Variants in CANX observed in about 807,000 individuals in gnomAD.
The protein encoded by CANX is calnexin, also known as epididymis secretory sperm binding protein.
CANX carries 14 observed loss-of-function variants against 75.7 expected under a neutral mutation model. The observed-to-expected ratio is 0.19, with a 90% CI of 0.12 to 0.29. CANX has a LOEUF of 0.29. Among genes scored for constraint, CANX ranks in the 10% least tolerant of loss-of-function variants. The pLI, the probability that CANX is intolerant of heterozygous loss-of-function variation, is 1.00. For synonymous variants in CANX, 227 were observed against 236.9 expected (o/e 0.96, Z 0.38); for missense variants, 567 against 713.2 (o/e 0.79, Z 2.34).
chr5:179,705,579 C>T (rs1777074054), intron 1 of CANX, 100 bp from the exon 2 acceptor site: 6 of 854,838 alleles, frequency 7.0e-6, no homozygotes, highest in Admixed American at 7.0e-5. Flanking sequence ...TTTAGCTCTG[C>T]GATTTAAAAG....
intron 1 of CANX, among the ~76,000 whole-genome samples, chr5:179,689,295 C>T (rs1304017127): frequency 2.6e-5 from 4 of 151,134 alleles, no homozygotes; most frequent in African/African-American, 9.7e-5. Context: ...TACGTCAGAC[C>T]GATCATAGAT....
At chr5:179,714,396 A>G (rs1306918182) in intron 7 of CANX, among the ~76,000 whole-genome samples, 2 of 152,282 alleles carry the variant, frequency 1.3e-5, no homozygotes, top group Admixed American at 1.3e-4. Flanking sequence ...CAATAAAAAC[A>G]TACACAAAGA....
upstream of CANX, chr5:179,694,786 CAAA>C: frequency 1.0e-5 from 4 of 389,866 alleles, no homozygotes; most frequent in African/African-American, 2.1e-5. Flanking sequence ...GTTTATCTGT[CAAA>C]AAAAAAAAAG....
At chr5:179,691,620 C>T (rs1776300031) in intron 1 of CANX, among the ~76,000 whole-genome samples, 1 of 152,076 alleles carries the variant, frequency 6.6e-6, no homozygotes, top group African/African-American at 2.4e-5. Context: ...TCATTTGGCT[C>T]TGGAAGACAG....
intron 1 of CANX, among the ~76,000 whole-genome samples, chr5:179,682,318 T>G (rs1776085452): frequency 6.6e-6 from 1 of 151,322 alleles, no homozygotes; most frequent in African/African-American, 2.4e-5. Flanking sequence ...GGCTCACGCC[T>G]GTAATCCCAG....
Position 179,705,796 on chromosome 5 carries a change from A to C in CANX, c.115A>C (p.Ile39Leu), listed in dbSNP as rs761639685. The change falls in exon 2 of 15, where the codon ATT (isoleucine) becomes CTT (leucine). Residue 39 changes from isoleucine (I) to leucine (L), a missense_variant. By Grantham distance (5) the Ile-to-Leu change is conservative (BLOSUM62 2). Coordinates refer to ENST00000247461, the MANE Select transcript of CANX (RefSeq NM_001746.4). ...IDIEDDLDDV[I>L]EEVEDSKPDT... ...TATTGAGGATGACCTTGACGATGTC[A>C]TTGAAGAGGTAGAAGACTCAAAACC... 1.2e-6 allele frequency: 2 copies of C among 1,613,278 alleles called. No homozygotes were observed. Among genetic ancestry groups the C allele is most frequent in the Non-Finnish European group, 1.7e-6 (2 of 1,179,250 alleles).
intron 1 of CANX, among the ~76,000 whole-genome samples, chr5:179,701,692 T>C (rs1776770051): frequency 1.4e-5 from 2 of 147,096 alleles, no homozygotes. Context: ...GTAAAACTTT[T>C]CAGGAAAGTC....
intron 14 of CANX, among the ~76,000 whole-genome samples, chr5:179,728,160 A>C (rs912380167): frequency 1.3e-5 from 2 of 152,236 alleles, no homozygotes; most frequent in African/African-American, 4.8e-5. Flanking sequence ...GGTAATTTAC[A>C]ATCTTAGCAA....
chr5:179,692,520 C>G (rs543365351), intron 1 of CANX, among the ~76,000 whole-genome samples: 1 of 151,786 alleles, frequency 6.6e-6, no homozygotes, highest in Non-Finnish European at 1.5e-5. Flanking sequence ...CAAAGAGCCC[C>G]TGTCTAATTA....
At position 179,709,899 on chromosome 5, in the gene CANX, T is replaced by C. The variant is rs781213469; in HGVS notation, c.555T>C (p.Tyr185=). 6 of 1,605,316 alleles carry C rather than the reference T, an allele frequency of 3.7e-6. 1 individual carries two copies. The South Asian group carries it at 6.7e-5, about 18-fold the overall frequency. Residue 185 remains tyrosine (Y), a synonymous_variant, in exon 7 of 15, where the codon TAT becomes TAC. Transcript: ENST00000247461. The part of the protein sequence containing the change: ...NLDQFHDKTP[Y]TIMFGPDKCG... ...ATCAGTTCCATGACAAGACCCCTTA[T>C]ACGATTATGTTTGGTCCAGATAAAT...
chr5:179,723,887 GA>G, intron 12 of CANX, 108 bp downstream of exon 12: 4 of 965,088 alleles, frequency 4.1e-6, no homozygotes, highest in African/African-American at 1.7e-5. Flanking sequence ...GCTCAGTAAT[GA>G]CCAAGCCATG....
intron 1 of CANX, among the ~76,000 whole-genome samples, chr5:179,703,870 G>A (rs557179317): frequency 2.6e-5 from 4 of 152,206 alleles, no homozygotes; most frequent in Admixed American, 6.5e-5. Context: ...TGAAAGAGGA[G>A]GAGGAAACTA....
intron 5 of CANX, 57 bp from the exon 6 acceptor site, chr5:179,708,921 G>A (rs1036680659): frequency 2.3e-6 from 2 of 880,180 alleles, no homozygotes; most frequent in Non-Finnish European, 1.9e-6. Flanking sequence ...AATACATTAA[G>A]AGAGTTTCGA....
intron 1 of CANX, chr5:179,679,277 G>T: frequency 6.6e-7 from 1 of 1,511,418 alleles, no homozygotes; most frequent in Non-Finnish European, 8.8e-7. Context: ...TGGGAGACAA[G>T]AGTCCGGGTG....
intron 1 of CANX, among the ~76,000 whole-genome samples, chr5:179,703,149 A>G (rs1192322467): frequency 6.6e-6 from 1 of 151,544 alleles, no homozygotes; most frequent in Non-Finnish European, 1.5e-5. Flanking sequence ...CTGACCTCAG[A>G]TGATCTGCCT....
intron 1 of CANX, chr5:179,700,609 T>C (rs1207101215): frequency 6.5e-6 from 1 of 153,058 alleles, no homozygotes; most frequent in African/African-American, 2.4e-5. Flanking sequence ...TTCTGACTTA[T>C]CTGCAAATGG....
At chr5:179,726,304 C>A (rs1046135086) in intron 13 of CANX, among the ~76,000 whole-genome samples, 3 of 151,052 alleles carry the variant, frequency 2.0e-5, no homozygotes, top group African/African-American at 4.9e-5. Context: ...AGTGGCCGGG[C>A]GCGATGGCTC....
intron 1 of CANX, chr5:179,679,101 G>C (rs187808595): frequency 1.3e-6 from 2 of 1,535,784 alleles, no homozygotes; most frequent in Admixed American, 3.9e-5. Flanking sequence ...TGCCACAGGC[G>C]GCTGGCATGG....
At chr5:179,690,963 T>C (rs761143493) in intron 1 of CANX, among the ~76,000 whole-genome samples, 6 of 152,170 alleles carry the variant, frequency 3.9e-5, no homozygotes, top group African/African-American at 1.4e-4. Context: ...ATAAACATGG[T>C]TTTATATTGA....
Sources: gnomAD v4.1 joint callset for allele counts (sites outside exome capture counted in the v4.1 genomes callset) on GRCh38, gnomAD v4.1.1 for gene constraint, MANE v1.5 for transcripts, NCBI Gene and HGNC (gene_info 2026-07-23, HGNC 2026-07-21) for gene names.